The following RGS6 variants were observed in gnomAD, a reference collection of about 807,000 sequenced individuals.
The protein encoded by RGS6 is regulator of G protein signaling 6, also known as regulator of G-protein signaling 6.
A neutral mutation model predicts 78.5 loss-of-function variants in RGS6; 30 were observed. That is an observed-to-expected ratio of 0.38 (90% CI 0.29 to 0.52). RGS6 has a LOEUF of 0.52. Among genes scored for constraint, RGS6 ranks in the 20% least tolerant of loss-of-function variants. The pLI is 0.85. For missense variants in RGS6, 495 were observed against 609.7 expected, an observed-to-expected ratio of 0.81 and a Z score of 1.98; for synonymous variants, 206 against 206.0, an observed-to-expected ratio of 1.00 and a Z score of 0.00.
the RGS6 span, among the ~76,000 whole-genome samples, chr14:71,899,138 C>A: frequency 6.6e-6 from 1 of 152,032 alleles, no homozygotes; most frequent in African/African-American, 2.4e-5. Flanking sequence ...TAAAAGTGAT[C>A]TTTAAAAATA....
intron 2 of RGS6, among the ~76,000 whole-genome samples, chr14:71,982,153 G>A (rs900474910): frequency 2.7e-4 from 41 of 152,146 alleles, no homozygotes; most frequent in African/African-American, 5.5e-4. Flanking sequence ...GCTGGCGCAT[G>A]GTGCGTGCAC....
chr14:72,261,052 G>A (rs1327163622), intron 2 of RGS6, among the ~76,000 whole-genome samples: 1 of 152,116 alleles, frequency 6.6e-6, no homozygotes, highest in African/African-American at 2.4e-5. Flanking sequence ...TGTGTGTTTT[G>A]GGGGAGGGGC....
chr14:72,616,075 T>C, the RGS6 span, among the ~76,000 whole-genome samples: 1 of 152,156 alleles, frequency 6.6e-6, no homozygotes, highest in Non-Finnish European at 1.5e-5. Context: ...GTGGGGACCA[T>C]CATCATGCCA....
chr14:72,605,948 C>T, the RGS6 span, among the ~76,000 whole-genome samples: 12 of 152,160 alleles, frequency 7.9e-5, no homozygotes, highest in African/African-American at 2.4e-4. Context: ...ATAGAAGACA[C>T]AGATCAAATC....
intron 9 of RGS6, 111 bp from the exon 10 acceptor site, chr14:72,474,514 C>T (rs2096182155): frequency 2.1e-6 from 2 of 945,578 alleles, no homozygotes; most frequent in Admixed American, 2.7e-5. Flanking sequence ...AAAAATCATG[C>T]ATTGTCTGTA....
At chr14:72,377,819 G>T (rs551456198) in intron 3 of RGS6, among the ~76,000 whole-genome samples, 3 of 152,052 alleles carry the variant, frequency 2.0e-5, no homozygotes, top group African/African-American at 2.4e-5. Context: ...CTCTACAAAA[G>T]ATTAAAAAAT....
intron 2 of RGS6, among the ~76,000 whole-genome samples, chr14:72,158,039 C>T (rs1182648328): frequency 1.3e-5 from 2 of 151,906 alleles, no homozygotes; most frequent in East Asian, 1.9e-4. Context: ...ACCTGGTGCC[C>T]CAAGGATACC....
chr14:72,575,899 T>C, the RGS6 span, among the ~76,000 whole-genome samples: 1 of 152,250 alleles, frequency 6.6e-6, no homozygotes, highest in Non-Finnish European at 1.5e-5. Context: ...CGGCTCCCTG[T>C]CCTCGTTCTG....
At chr14:72,405,895 G>T (rs551664797) in intron 3 of RGS6, among the ~76,000 whole-genome samples, 1 of 152,176 alleles carries the variant, frequency 6.6e-6, no homozygotes, top group African/African-American at 2.4e-5. Flanking sequence ...AGATTGGAAC[G>T]CTGTATTGGT....
chr14:72,197,204 T>A (rs549048541), intron 2 of RGS6, among the ~76,000 whole-genome samples: 48 of 152,280 alleles, frequency 3.2e-4, no homozygotes, highest in Non-Finnish European at 1.5e-5. Context: ...TAGCTGGGAT[T>A]ACAGGTGCAC....
At chr14:72,323,164 T>C (rs892906386) in intron 2 of RGS6, among the ~76,000 whole-genome samples, 5 of 152,022 alleles carry the variant, frequency 3.3e-5, no homozygotes, top group African/African-American at 1.2e-4. Context: ...GAAAAAATAG[T>C]ATAAACAATA....
intron 2 of RGS6, among the ~76,000 whole-genome samples, chr14:72,053,698 T>G (rs2093464337): frequency 6.6e-6 from 1 of 152,246 alleles, no homozygotes; most frequent in Non-Finnish European, 1.5e-5. Context: ...TAAGAATTTA[T>G]TTTTGGTGAA....
intron 3 of RGS6, among the ~76,000 whole-genome samples, chr14:72,404,104 C>T (rs1035635585): frequency 3.3e-5 from 5 of 152,182 alleles, no homozygotes; most frequent in South Asian, 2.1e-4. Flanking sequence ...TAGTGTTGCT[C>T]GCATGGCATG....
the RGS6 span, chr14:72,612,349 C>T: frequency 2.2e-6 from 1 of 445,282 alleles, no homozygotes; most frequent in South Asian, 1.7e-5. Flanking sequence ...TCTCCAGCCA[C>T]CTGCTCCCCA....
At chr14:72,245,112 C>T (rs2053895486) in intron 2 of RGS6, among the ~76,000 whole-genome samples, 1 of 152,248 alleles carries the variant, frequency 6.6e-6, no homozygotes, top group Non-Finnish European at 1.5e-5. Context: ...AACATCTCTT[C>T]TTTCTACCTG....
At chr14:72,429,891 A>G (rs1040827078) in intron 3 of RGS6, among the ~76,000 whole-genome samples, 2 of 152,144 alleles carry the variant, frequency 1.3e-5, no homozygotes, top group African/African-American at 4.8e-5. Flanking sequence ...AGTTCTCATG[A>G]GATCTGATGG....
chr14:72,308,381 C>G (rs1595612277), intron 2 of RGS6, among the ~76,000 whole-genome samples: 1 of 152,176 alleles, frequency 6.6e-6, no homozygotes, highest in African/African-American at 2.4e-5. Context: ...TCATCTCAAA[C>G]AGAAATTGTC....
In RGS6 at chr14:72,284,359, G is replaced by GCCC. The variant is rs36064988; in HGVS notation, c.85-67731_85-67729dup. 4.1e-3 allele frequency among the ~76,000 whole-genome samples: 629 copies of GCCC among 151,980 alleles called. 3 individuals carry two copies. The highest frequency in any genetic ancestry group is 0.013 in the African/African-American group (533 of 41,444). On this transcript the variant is annotated intron_variant, in intron 2 of 17. Coordinates refer to ENST00000553525, the MANE Select transcript of RGS6 (RefSeq NM_001204424.2). ...CCCAGAGGCCTAGGAGGAAAAAATGGCCCCCCCACCTGCTATGTGCAGCTT... is the reference window on the plus strand; with the variant it reads ...CCCAGAGGCCTAGGAGGAAAAAATGGCCCCCCCCCCACCTGCTATGTGCAGCTT...
intron 3 of RGS6, among the ~76,000 whole-genome samples, chr14:72,419,762 C>G (rs778396463): frequency 4.6e-5 from 7 of 152,124 alleles, no homozygotes; most frequent in African/African-American, 7.2e-5. Context: ...TAAAGAGCAG[C>G]AAAATCATAA....
Sources: allele counts gnomAD v4.1 joint callset (sites outside exome capture counted in the v4.1 genomes callset), GRCh38; gene constraint gnomAD v4.1.1; transcripts MANE v1.5; gene names NCBI Gene and HGNC (gene_info 2026-07-23, HGNC 2026-07-21).